Variants in ANOS1 observed in about 807,000 individuals in gnomAD.
The protein encoded by ANOS1 is anosmin 1, also known as anosmin-1.
Under a neutral mutation model 59.0 loss-of-function variants are expected in ANOS1, and 6 were observed. The ratio of observed to expected loss-of-function variants is 0.10; its 90% CI spans 0.06 to 0.20. The LOEUF (loss-of-function observed/expected upper bound fraction) is 0.20, where lower values mean the gene tolerates loss of function less well. ANOS1 is among the 10% of genes least tolerant of loss of function. The pLI is 1.00. For synonymous variants in ANOS1, 217 were observed against 223.4 expected (o/e 0.97, Z 0.25); for missense variants, 433 against 542.3 (o/e 0.80, Z 2.00).
Position 8,709,921 on chromosome X carries a change from T to C in ANOS1, c.208-10176A>G, listed in dbSNP as rs199795618. 5.4e-5 allele frequency among the ~76,000 whole-genome samples: 6 copies of C among 111,112 alleles called. No homozygotes were observed. The East Asian group carries it at 1.1e-3, about 21-fold the overall frequency. ...AAATGATTGAAAACCATTATTTGTG[T>C]TATCTTATAATTTTTTTTTATTTTT... On this transcript the variant is annotated intron_variant, in intron 1 of 13. Coordinates refer to ENST00000262648, the MANE Select transcript of ANOS1 (RefSeq NM_000216.4).
At chrX:8,719,968 T>C (rs929549980) in intron 1 of ANOS1, among the ~76,000 whole-genome samples, 1 of 111,922 alleles carries the variant, frequency 8.9e-6, no homozygotes, top group African/African-American at 3.2e-5. Flanking sequence ...GTTTTAAAGC[T>C]TCGGGGATTA....
chrX:8,693,072 T>C (rs994942862), intron 2 of ANOS1, among the ~76,000 whole-genome samples: 6 of 112,549 alleles, frequency 5.3e-5, no homozygotes, highest in Admixed American at 3.8e-4. Flanking sequence ...CCAGGGCATC[T>C]TGCCCATGAA....
At chrX:8,619,961 C>G (rs1041387490) in intron 3 of ANOS1, among the ~76,000 whole-genome samples, 1 of 111,839 alleles carries the variant, frequency 8.9e-6, no homozygotes, top group African/African-American at 3.3e-5. Context: ...GACACAGGCT[C>G]TTACTCTTTT....
At chrX:8,685,197 C>A (rs1040577745) in intron 2 of ANOS1, among the ~76,000 whole-genome samples, 2 of 111,312 alleles carry the variant, frequency 1.8e-5, no homozygotes, top group African/African-American at 3.3e-5. Context: ...TTAAACCCTG[C>A]GTTTTCTTCA....
At chrX:8,577,502 GAA>G (rs1263095912) in intron 6 of ANOS1, among the ~76,000 whole-genome samples, 3 of 112,219 alleles carry the variant, frequency 2.7e-5, no homozygotes, top group Non-Finnish European at 3.8e-5. Context: ...AGAGATAACT[GAA>G]ATAGGAAGGC....
At chrX:8,646,904 C>T (rs1283761227) in intron 2 of ANOS1, among the ~76,000 whole-genome samples, 3 of 100,545 alleles carry the variant, frequency 3.0e-5, no homozygotes, top group African/African-American at 7.5e-5. Context: ...CTGCACTCCA[C>T]CCTGGGCTAC....
At chrX:8,540,456 C>T (rs1001398288) in intron 9 of ANOS1, among the ~76,000 whole-genome samples, 5 of 110,724 alleles carry the variant, frequency 4.5e-5, no homozygotes, top group Admixed American at 1.9e-4. Flanking sequence ...CCTTTGAACA[C>T]GTTTATTCCC....
intron 8 of ANOS1, among the ~76,000 whole-genome samples, chrX:8,554,526 A>G (rs1364577434): frequency 1.9e-5 from 2 of 102,738 alleles, no homozygotes; most frequent in Admixed American, 1.1e-4. Flanking sequence ...GGGCAGACAC[A>G]GAGCTGGCTA....
Position 8,691,530 on chromosome X carries a change from C to T in ANOS1, c.255+8168G>A, listed in dbSNP as rs144467584. Among the ~76,000 whole-genome samples, 70 of 106,412 alleles carry T rather than the reference C, an allele frequency of 6.6e-4. 1 individual carries two copies. Among genetic ancestry groups the T allele is most frequent in the African/African-American group, 2.3e-3 (63 of 26,824 alleles). 92.4% of individuals were successfully genotyped at this position (106,412 alleles called of 115,157 possible). On this transcript the variant is annotated intron_variant, in intron 2 of 13. Coordinates refer to ENST00000262648, the MANE Select transcript of ANOS1 (RefSeq NM_000216.4). ...ATGGATGGATGGATGGATGGATGGA[C>T]GGATGGATGGATGGATGAATAGGGT... is the stretch of plus-strand genomic sequence containing the variant.
intron 1 of ANOS1, among the ~76,000 whole-genome samples, chrX:8,714,477 G>A (rs1426345065): frequency 9.0e-6 from 1 of 111,017 alleles, no homozygotes; most frequent in Admixed American, 9.7e-5. Context: ...GGGAACTATT[G>A]CTATTATCAC....
intron 2 of ANOS1, among the ~76,000 whole-genome samples, chrX:8,642,382 C>T (rs938558699): frequency 1.0e-5 from 1 of 100,438 alleles, no homozygotes; most frequent in Non-Finnish European, 1.9e-5. Flanking sequence ...GAAAGGGAAG[C>T]GACTGCCAAT....
At chrX:8,675,032 G>A (rs1043250440) in intron 2 of ANOS1, among the ~76,000 whole-genome samples, 4 of 111,507 alleles carry the variant, frequency 3.6e-5, no homozygotes, top group Non-Finnish European at 5.6e-5. Flanking sequence ...CCCACTTTTG[G>A]TGGAAGAGTC....
At chrX:8,726,731 C>A (rs1363942746) in intron 1 of ANOS1, among the ~76,000 whole-genome samples, 1 of 112,106 alleles carries the variant, frequency 8.9e-6, no homozygotes, top group East Asian at 2.8e-4. Context: ...TGGGCAGACC[C>A]AGAGGAGGTC....
chrX:8,558,003 T>C (rs1451667886), intron 8 of ANOS1, among the ~76,000 whole-genome samples: 1 of 111,635 alleles, frequency 9.0e-6, no homozygotes, highest in Non-Finnish European at 1.9e-5. Context: ...TATAAAGGAA[T>C]GAGTTCATGT....
chrX:8,599,124 A>C (rs1052514441), intron 3 of ANOS1, among the ~76,000 whole-genome samples: 7 of 111,870 alleles, frequency 6.3e-5, no homozygotes, highest in Non-Finnish European at 1.3e-4. Context: ...ATGGGTATAA[A>C]GCAAGTACAC....
At chrX:8,578,185 C>T (rs1234804697) in intron 6 of ANOS1, among the ~76,000 whole-genome samples, 1 of 111,220 alleles carries the variant, frequency 9.0e-6, no homozygotes, top group Non-Finnish European at 1.9e-5. Flanking sequence ...TGGTCAAGTG[C>T]AGTTATATTT....
rs757062981 is a variant in ANOS1 at position 8,531,087 on chromosome X, A to G, written c.*1908T>C. On this transcript the variant is annotated 3_prime_UTR_variant, in exon 14 of 14. Coordinates refer to ENST00000262648, the MANE Select transcript of ANOS1 (RefSeq NM_000216.4). ...CAGCTTGTGACAGGAGCTGCAGTGA[A>G]CCATTCAGAACCAACATGAACTTTC... The G allele has an allele frequency of 1.0e-5, 1 of 98,593 alleles. No individual in the cohort carries two copies. Among genetic ancestry groups the G allele is most frequent in the African/African-American group, 3.7e-5 (1 of 26,739 alleles). The allele number at this position is 98,593 out of a possible 1,213,427, so 8.1% of individuals were successfully genotyped here. A position where few individuals can be genotyped will look rare whatever the true frequency, so the allele number is the denominator to read the frequency against.
chrX:8,659,619 TTC>T (rs1932001750), intron 2 of ANOS1, among the ~76,000 whole-genome samples: 6 of 95,609 alleles, frequency 6.3e-5, no homozygotes, highest in Non-Finnish European at 1.2e-4. Context: ...CCTTCCTTCC[TTC>T]CTTCCTTCCT....
At chrX:8,575,574 T>C (rs923386229) in intron 6 of ANOS1, among the ~76,000 whole-genome samples, 1 of 108,721 alleles carries the variant, frequency 9.2e-6, no homozygotes, top group African/African-American at 3.4e-5. Flanking sequence ...GATGTTATCA[T>C]AATAATCTAG....
Sources: allele counts gnomAD v4.1 joint callset (sites outside exome capture counted in the v4.1 genomes callset), GRCh38; gene constraint gnomAD v4.1.1; transcripts MANE v1.5; gene names NCBI Gene and HGNC (gene_info 2026-07-23, HGNC 2026-07-21).